CRYM: variants seen among roughly 807,000 people sequenced by gnomAD.
CRYM encodes ketimine reductase mu-crystallin.
A neutral mutation model predicts 32.9 loss-of-function variants in CRYM; 18 were observed. The observed-to-expected ratio is 0.55, with a 90% CI of 0.38 to 0.81. The LOEUF (loss-of-function observed/expected upper bound fraction) is 0.81. Ranked by LOEUF, CRYM falls within the 30% of genes least tolerant of loss-of-function variation. The probability of loss-of-function intolerance (pLI) is 0.00; values close to 1 mark genes in which losing one functional copy is unlikely to be tolerated. For missense variants in CRYM, 337 were observed against 393.5 expected, an observed-to-expected ratio of 0.86 and a Z score of 1.21; for synonymous variants, 153 against 152.4, an observed-to-expected ratio of 1.00 and a Z score of -0.03.
At chr16:21,269,766 T>TTCCACCCC in intron 4 of CRYM, 24 bp downstream of exon 4, 2 of 690,476 alleles carry the variant, frequency 2.9e-6, no homozygotes, top group Admixed American at 2.0e-5. Context: ...CCCTCTTCTC[T>TTCCACCCC]CCCACCCCCA....
rs906323867 is a variant in CRYM, at chr16:21,302,290, A to G, written c.-193+688T>C. ...CTAAGGCTTATATCTGAAAATAACT[A>G]TAAGAGGAAAGGATGCTATTGTATC... On this transcript the variant is annotated intron_variant, in intron 1 of 9. Transcript: ENST00000219599. Among the ~76,000 whole-genome samples the G allele has an allele frequency of 3.3e-5, 5 of 152,220 alleles. 1 individual carries two copies. The East Asian group carries it at 5.8e-4, about 18-fold the overall frequency.
intron 5 of CRYM, among the ~76,000 whole-genome samples, chr16:21,267,130 C>G (rs1372651149): frequency 6.6e-6 from 1 of 152,168 alleles, no homozygotes; most frequent in Non-Finnish European, 1.5e-5. Flanking sequence ...CAGAGTCTCT[C>G]TCTGTTGCCC....
intron 1 of CRYM, among the ~76,000 whole-genome samples, chr16:21,294,746 G>A (rs1056018385): frequency 6.7e-6 from 1 of 148,324 alleles, no homozygotes; most frequent in African/African-American, 2.5e-5. Flanking sequence ...CCATGCTGGA[G>A]TACAGTGGCG....
At chr16:21,272,590 C>T (rs958362758) in intron 3 of CRYM, among the ~76,000 whole-genome samples, 1 of 152,154 alleles carries the variant, frequency 6.6e-6, no homozygotes, top group Non-Finnish European at 1.5e-5. Context: ...TAGATCAAGA[C>T]ATACTGCTTT....
At chr16:21,301,633 G>C (rs1960938479) in intron 1 of CRYM, among the ~76,000 whole-genome samples, 1 of 152,210 alleles carries the variant, frequency 6.6e-6, no homozygotes, top group Admixed American at 6.5e-5. Context: ...GGAGGTTCTT[G>C]CGTGCTCCCC....
At chr16:21,261,463 AAG>A (rs1456087362) in intron 6 of CRYM, 125 bp from the exon 7 acceptor site, 5 of 714,610 alleles carry the variant, frequency 7.0e-6, no homozygotes, top group African/African-American at 3.6e-5. Context: ...AAAAAAAAAA[AAG>A]AGAGAGATCC....
intron 1 of CRYM, among the ~76,000 whole-genome samples, chr16:21,291,038 T>C (rs1206709432): frequency 6.6e-6 from 1 of 152,262 alleles, no homozygotes; most frequent in Non-Finnish European, 1.5e-5. Context: ...GTATACTTTA[T>C]GCTAAAAACG....
At chr16:21,287,069 G>T (rs1384170963) in intron 1 of CRYM, among the ~76,000 whole-genome samples, 1 of 149,210 alleles carries the variant, frequency 6.7e-6, no homozygotes, top group African/African-American at 2.5e-5. Flanking sequence ...CAGCCTGGGC[G>T]ACAGAGCGAG....
At chr16:21,285,977 C>T (rs934550994) in intron 1 of CRYM, among the ~76,000 whole-genome samples, 2 of 152,108 alleles carry the variant, frequency 1.3e-5, no homozygotes, top group Non-Finnish European at 2.9e-5. Context: ...GTTAGCAACC[C>T]TCATGAATGC....
At chr16:21,268,269 T>A (rs758696168) in intron 4 of CRYM, among the ~76,000 whole-genome samples, 2 of 152,228 alleles carry the variant, frequency 1.3e-5, no homozygotes, top group African/African-American at 2.4e-5. Flanking sequence ...TTTATGATAA[T>A]GTTTTTCATG....
chr16:21,274,723 A>G (rs2093382594), intron 3 of CRYM, among the ~76,000 whole-genome samples: 2 of 151,440 alleles, frequency 1.3e-5, no homozygotes, highest in South Asian at 4.2e-4. Context: ...CTCCTGCCTC[A>G]CTCTCCCGGG....
chr16:21,281,299 G>T (rs2093397880), upstream of CRYM, among the ~76,000 whole-genome samples: 1 of 151,180 alleles, frequency 6.6e-6, no homozygotes, highest in Non-Finnish European at 1.5e-5. Context: ...CTGTCACCCA[G>T]ACTGGAGTGC....
upstream of CRYM, chr16:21,278,619 A>T: frequency 3.3e-6 from 1 of 305,962 alleles, no homozygotes; most frequent in Non-Finnish European, 6.2e-6. Context: ...GCTGCTGTCT[A>T]GGTCACCGTG....
intron 7 of CRYM, among the ~76,000 whole-genome samples, chr16:21,260,582 G>A (rs1374194398): frequency 2.6e-5 from 4 of 152,138 alleles, no homozygotes; most frequent in Admixed American, 6.5e-5. Flanking sequence ...TTACAGGCGT[G>A]AGCCACCGAG....
intron 4 of CRYM, among the ~76,000 whole-genome samples, chr16:21,269,143 CAAAAAAAAAAA>C (rs35798113): frequency 1.3e-5 from 1 of 78,484 alleles, no homozygotes; most frequent in Admixed American, 1.5e-4. Flanking sequence ...GACTCCATTT[CAAAAAAAAAAA>C]AAAAAAAAAA....
chr16:21,290,159 C>T (rs72782851), intron 1 of CRYM, among the ~76,000 whole-genome samples: 8 of 152,154 alleles, frequency 5.3e-5, no homozygotes, highest in African/African-American at 1.7e-4. Flanking sequence ...AATGTCGGAT[C>T]CCCTTCCATG....
chr16:21,286,150 TG>T (rs2093406762), intron 1 of CRYM, among the ~76,000 whole-genome samples: 1 of 152,176 alleles, frequency 6.6e-6, no homozygotes, highest in East Asian at 1.9e-4. Flanking sequence ...AACCACTTTT[TG>T]AGAAGAATCA....
chr16:21,291,973 A>T (rs1347673695), intron 1 of CRYM, among the ~76,000 whole-genome samples: 1 of 152,178 alleles, frequency 6.6e-6, no homozygotes, highest in African/African-American at 2.4e-5. Context: ...TATCTAAAAA[A>T]CTTTGCCCAA....
intron 1 of CRYM, chr16:21,283,687 G>A (rs1056011392): frequency 6.6e-6 from 1 of 152,050 alleles, no homozygotes; most frequent in Non-Finnish European, 1.5e-5. Context: ...GGGGGACTGA[G>A]GTGGCGCTCC....
Sources: allele counts gnomAD v4.1 joint callset (sites outside exome capture counted in the v4.1 genomes callset), GRCh38; gene constraint gnomAD v4.1.1; transcripts MANE v1.5; gene names NCBI Gene and HGNC (gene_info 2026-07-23, HGNC 2026-07-21).